The following AVL9 variants were observed in gnomAD, a reference collection of about 807,000 sequenced individuals.
The protein encoded by AVL9 is late secretory pathway protein AVL9 homolog.
Under a neutral mutation model 79.2 loss-of-function variants are expected in AVL9, and 49 were observed. The ratio of observed to expected loss-of-function variants is 0.62; its 90% confidence interval spans 0.49 to 0.79. The LOEUF is 0.79. Ranked by LOEUF, AVL9 falls within the 30% of genes least tolerant of loss-of-function variation. The pLI is 0.00. For missense variants in AVL9, 682 were observed against 776.8 expected (o/e 0.88, Z 1.45); for synonymous variants, 299 against 280.6 (o/e 1.07, Z -0.65).
chr7:32,526,637 T>G (rs1431772204), intron 1 of AVL9, among the ~76,000 whole-genome samples: 2 of 152,094 alleles, frequency 1.3e-5, no homozygotes, highest in Admixed American at 1.3e-4. Context: ...AAATTAACCC[T>G]TCCCAGTTTG....
At chr7:32,551,502 G>A (rs1789815988) in intron 5 of AVL9, 79 bp downstream of exon 5, 1 of 680,040 alleles carries the variant, frequency 1.5e-6, no homozygotes, top group Non-Finnish European at 2.4e-6. Flanking sequence ...GTAATACTGT[G>A]AAGGATAATT....
chr7:32,574,360 T>C (rs1297105455), intron 12 of AVL9, among the ~76,000 whole-genome samples: 1 of 152,180 alleles, frequency 6.6e-6, no homozygotes, highest in Non-Finnish European at 1.5e-5. Context: ...CCTCGTTTGT[T>C]AATGAGATAT....
At chr7:32,545,185 C>A (rs10268357) in intron 3 of AVL9, among the ~76,000 whole-genome samples, 2,383 of 150,692 alleles carry the variant, frequency 0.016, 28 homozygotes, top group Non-Finnish European at 0.025. Context: ...TTTGCCCAGG[C>A]TGGTTTTGAA....
At chr7:32,580,172 C>T (rs372075156) in intron 13 of AVL9, 47 bp from the exon 14 acceptor site, 2 of 1,445,436 alleles carry the variant, frequency 1.4e-6, no homozygotes, top group African/African-American at 2.8e-5. Flanking sequence ...CTTTTTGCAG[C>T]CTTTTTGGTA....
At chr7:32,517,293 TTTTC>T (rs935979605) in intron 1 of AVL9, among the ~76,000 whole-genome samples, 1 of 151,238 alleles carries the variant, frequency 6.6e-6, no homozygotes, top group Non-Finnish European at 1.5e-5. Context: ...TAAAATCTTT[TTTTC>T]TTTTTCTTTT....
At chr7:32,544,341 C>A (rs1398662778) in intron 2 of AVL9, among the ~76,000 whole-genome samples, 1 of 152,128 alleles carries the variant, frequency 6.6e-6, no homozygotes, top group South Asian at 2.1e-4. Flanking sequence ...CAGTTGTCCC[C>A]CAAATTTCTT....
chr7:32,501,596 C>T (rs1186171432), intron 1 of AVL9, among the ~76,000 whole-genome samples: 2 of 152,200 alleles, frequency 1.3e-5, no homozygotes, highest in Non-Finnish European at 2.9e-5. Context: ...GAATAGTTTT[C>T]ATTCAGGCTT....
At chr7:32,515,751 TTTG>T (rs920176185) in intron 1 of AVL9, among the ~76,000 whole-genome samples, 4 of 152,168 alleles carry the variant, frequency 2.6e-5, no homozygotes, top group South Asian at 2.1e-4. Flanking sequence ...TTGTTGGGTT[TTTG>T]TTGTTGTTTG....
chr7:32,568,322 T>A (rs1790677234), intron 10 of AVL9, among the ~76,000 whole-genome samples: 1 of 151,936 alleles, frequency 6.6e-6, no homozygotes, highest in Admixed American at 6.6e-5. Context: ...TGCCTCAGCC[T>A]CCCAAGTAGC....
At chr7:32,556,543 G>GAATGAATA (rs1790069736) in intron 8 of AVL9, among the ~76,000 whole-genome samples, 1 of 151,760 alleles carries the variant, frequency 6.6e-6, no homozygotes, top group Non-Finnish European at 1.5e-5. Context: ...ATGAATGAAT[G>GAATGAATA]AGTATTCCTT....
At chr7:32,502,212 A>C (rs1787156144) in intron 1 of AVL9, among the ~76,000 whole-genome samples, 1 of 151,930 alleles carries the variant, frequency 6.6e-6, no homozygotes, top group South Asian at 2.1e-4. Flanking sequence ...AAAAAGTAAA[A>C]AAATTAGCCA....
intron 1 of AVL9, among the ~76,000 whole-genome samples, chr7:32,508,534 A>G (rs34488151): frequency 0.35 from 53,332 of 152,146 alleles, 9,687 homozygotes; most frequent in East Asian, 0.48. Flanking sequence ...ATCAAATGCA[A>G]ATTTTACTTA....
chr7:32,530,527 T>C (rs1258784606), intron 1 of AVL9, among the ~76,000 whole-genome samples: 2 of 152,260 alleles, frequency 1.3e-5, no homozygotes, highest in African/African-American at 4.8e-5. Flanking sequence ...TAGAGATTAA[T>C]ACTTAGTAGG....
chr7:32,525,239 C>T (rs1207178909), intron 1 of AVL9, among the ~76,000 whole-genome samples: 1 of 152,158 alleles, frequency 6.6e-6, no homozygotes, highest in Non-Finnish European at 1.5e-5. Context: ...TCTGAGTTCT[C>T]CAAAATTCAG....
chr7:32,509,712 G>A (rs1339240779), intron 1 of AVL9, among the ~76,000 whole-genome samples: 1 of 152,056 alleles, frequency 6.6e-6, no homozygotes, highest in Non-Finnish European at 1.5e-5. Context: ...TTAGCCAGGC[G>A]TGGTGGCGGG....
chr7:32,553,213 G>A (rs545171499), intron 6 of AVL9, among the ~76,000 whole-genome samples: 1 of 152,026 alleles, frequency 6.6e-6, no homozygotes, highest in South Asian at 2.1e-4. Flanking sequence ...TTTCAGGCAG[G>A]TGATAGACTG....
chr7:32,531,488 G>A (rs1036531124), intron 1 of AVL9: 1 of 23,124 alleles, frequency 4.3e-5, no homozygotes, highest in Non-Finnish European at 1.1e-4. Flanking sequence ...TAATGTTAGT[G>A]CCTCAAGTAC....
In AVL9 at chr7:32,544,755, T is replaced by C. The variant is rs113792974; in HGVS notation, c.276T>C (p.Ser92=). 1.2e-5 allele frequency: 20 copies of C among 1,612,786 alleles called. No homozygotes were observed. In the East Asian group the frequency reaches 4.5e-4, roughly 36 times the overall value. The change falls in exon 3 of 16, where the codon TCT becomes TCC. Residue 92 remains serine, a synonymous_variant. Coordinates refer to ENST00000318709, the MANE Select transcript of AVL9 (RefSeq NM_015060.3). ...NGNGATVFGI[S]CYRQIEAKAL... is the part of the protein sequence containing the mutation. ...ATGGAGCCACAGTATTTGGTATCTCTTGCTATCGACAAATTGAAGCCAAGG... is the reference window on the plus strand; with the variant it reads ...ATGGAGCCACAGTATTTGGTATCTCCTGCTATCGACAAATTGAAGCCAAGG...
intron 1 of AVL9, chr7:32,532,200 C>G (rs1416281868): frequency 6.6e-6 from 1 of 152,226 alleles, no homozygotes; most frequent in Non-Finnish European, 1.5e-5. Flanking sequence ...GTTAGGCCAT[C>G]AAGCTGTCCC....
Sources: gnomAD v4.1 joint callset for allele counts (sites outside exome capture counted in the v4.1 genomes callset) on GRCh38, gnomAD v4.1.1 for gene constraint, MANE v1.5 for transcripts, NCBI Gene and HGNC (gene_info 2026-07-23, HGNC 2026-07-21) for gene names.